CCDC197: variants seen among roughly 807,000 people sequenced by gnomAD.
CCDC197 encodes the protein uncharacterized protein CCDC197.
CCDC197 carries 24 observed loss-of-function variants against 13.4 expected under a neutral mutation model. That is an observed-to-expected ratio of 1.80 (90% CI 1.30 to 2.53). The LOEUF (loss-of-function observed/expected upper bound fraction) is 2.53, where lower values mean the gene tolerates loss of function less well. Among genes scored for constraint, CCDC197 ranks in the 30% most tolerant of loss-of-function variants. The pLI, the probability that CCDC197 is intolerant of heterozygous loss-of-function variation, is 0.00. For missense variants in CCDC197, 255 were observed against 148.8 expected (o/e 1.71, Z -3.71); for synonymous variants, 99 against 55.5 (o/e 1.78, Z -3.48).
At chr14:93,993,897 C>T (rs1006697687), upstream of CCDC197, among the ~76,000 whole-genome samples, 2 of 152,200 alleles carry the variant, frequency 1.3e-5, no homozygotes, top group African/African-American at 4.8e-5. Flanking sequence ...CTGCGCCCCT[C>T]ACCGCTGTGG....
Position 94,004,861 on chromosome 14 carries a change from C to A in CCDC197, c.505C>A (p.Leu169Met). 1.4e-6 allele frequency: 1 copy of A among 702,956 alleles called. No individual in the cohort carries two copies. The highest frequency in any genetic ancestry group is 1.5e-5 in the South Asian group (1 of 67,572). 43.5% of individuals were successfully genotyped at this position (702,956 alleles called of 1,614,324 possible). A position where few individuals can be genotyped will look rare whatever the true frequency, so the allele number is the denominator to read the frequency against. ...CTCCTTCTCTTTCCTGCAGGATCAG[C>A]TGCTCGGCTACATGCAAATGACCAT... ...THTSSSYNDQ[L>M]LGYMQMTITN... The change falls in exon 6 of 7, where the codon CTG (leucine) becomes ATG (methionine). Residue 169 changes from leucine (L) to methionine (M), a missense_variant. By Grantham distance (15) the Leu-to-Met change is conservative (BLOSUM62 2). Transcript: ENST00000636493.
At chr14:94,001,485 C>T in intron 4 of CCDC197, 162 bp downstream of exon 4, 1 of 548,520 alleles carries the variant, frequency 1.8e-6, no homozygotes, top group South Asian at 2.4e-5. Context: ...TTCCATATCC[C>T]CTTCCTCTCC....
At chr14:93,997,046 C>T (rs994105037), upstream of CCDC197, among the ~76,000 whole-genome samples, 2 of 152,212 alleles carry the variant, frequency 1.3e-5, no homozygotes, top group African/African-American at 4.8e-5. Flanking sequence ...TGGAACTGGG[C>T]AGCACATAAA....
At chr14:93,989,475 G>T (rs1890168933) in intron 1 of CCDC197, among the ~76,000 whole-genome samples, 1 of 152,156 alleles carries the variant, frequency 6.6e-6, no homozygotes, top group South Asian at 2.1e-4. Flanking sequence ...GCCATCAGTG[G>T]CCCTGGCATG....
intron 2 of CCDC197, among the ~76,000 whole-genome samples, chr14:93,998,762 G>A (rs963239194): frequency 7.2e-5 from 11 of 152,232 alleles, no homozygotes; most frequent in African/African-American, 2.7e-4. Context: ...GCACTGTCAC[G>A]GCTCACAGGG....
At chr14:93,993,569 A>G (rs1420191550), upstream of CCDC197, among the ~76,000 whole-genome samples, 1 of 152,204 alleles carries the variant, frequency 6.6e-6, no homozygotes, top group Non-Finnish European at 1.5e-5. Flanking sequence ...CTGAGCGTCA[A>G]TGGCTGAGGA....
At chr14:94,008,569 C>A (rs1262841380) in intron 6 of CCDC197, 40 bp from the exon 7 acceptor site, 1 of 692,108 alleles carries the variant, frequency 1.4e-6, no homozygotes, top group South Asian at 1.5e-5. Flanking sequence ...CGTCCAGAGG[C>A]CAAAACACTG....
rs192272134 is a variant in CCDC197 at position 93,999,662 on chromosome 14, G to T, written c.184G>T (p.Glu62Ter). ...YLIKVLEKIP[E>*]GCTGWEEPEE... ...GATTAAGGTCCTTGAGAAAATCCCC[G>T]AGGGTATGTACACAGCTTCCTCGGA... The change falls in exon 3 of 7, where the codon GAG becomes TAG. Residue 62 changes from glutamate (E) to a stop codon, truncating the protein, a stop_gained. Coordinates refer to ENST00000636493, the MANE Select transcript of CCDC197 (RefSeq NM_001351596.2). LOFTEE classifies it high-confidence loss of function. The T allele has an allele frequency of 2.6e-6, 2 of 780,906 alleles. No individual in the cohort carries two copies. Among genetic ancestry groups the T allele is most frequent in the African/African-American group, 1.7e-5 (1 of 59,144 alleles). The allele number at this position is 780,906 out of a possible 1,614,324, so 48.4% of individuals were successfully genotyped here.
intron 4 of CCDC197, chr14:94,001,688 G>A: frequency 5.5e-6 from 1 of 182,086 alleles, no homozygotes. Flanking sequence ...AGTTGCTAGC[G>A]TCCTTGCGAG....
At chr14:93,993,698 C>A (rs1047334039), upstream of CCDC197, among the ~76,000 whole-genome samples, 1 of 152,190 alleles carries the variant, frequency 6.6e-6, no homozygotes, top group African/African-American at 2.4e-5. Context: ...AGCCTGGGGG[C>A]AGATTCCAGC....
chr14:93,998,775 C>A (rs1166380894), intron 2 of CCDC197, among the ~76,000 whole-genome samples: 3 of 152,248 alleles, frequency 2.0e-5, no homozygotes, highest in Non-Finnish European at 4.4e-5. Flanking sequence ...TCACAGGGCC[C>A]CACGTGGTAT....
At chr14:94,009,956 T>G (rs1890781434), downstream of CCDC197, among the ~76,000 whole-genome samples, 1 of 152,220 alleles carries the variant, frequency 6.6e-6, no homozygotes, top group Non-Finnish European at 1.5e-5. Flanking sequence ...TAAGAGCAGC[T>G]GCTGAGCTGT....
chr14:93,995,129 C>T (rs926303619), upstream of CCDC197, among the ~76,000 whole-genome samples: 1 of 152,168 alleles, frequency 6.6e-6, no homozygotes, highest in South Asian at 2.1e-4. Context: ...CCCGCTGCCA[C>T]GCTGCCAGCC....
intron 4 of CCDC197, among the ~76,000 whole-genome samples, chr14:94,002,498 G>C (rs907206138): frequency 6.6e-6 from 1 of 151,986 alleles, no homozygotes; most frequent in Admixed American, 6.6e-5. Context: ...CCTGGCCAGG[G>C]GCATGTATTA....
At chr14:93,996,408 C>G (rs1176913628), upstream of CCDC197, among the ~76,000 whole-genome samples, 2 of 152,146 alleles carry the variant, frequency 1.3e-5, no homozygotes, top group East Asian at 3.9e-4. Flanking sequence ...CTGCCCCTGC[C>G]CCTGAGCCCA....
intron 1 of CCDC197, among the ~76,000 whole-genome samples, chr14:93,987,552 T>C (rs1051719218): frequency 6.6e-6 from 1 of 152,312 alleles, no homozygotes; most frequent in East Asian, 1.9e-4. Flanking sequence ...GGGCTTGGAA[T>C]GCCCTCTCCC....
intron 1 of CCDC197, among the ~76,000 whole-genome samples, chr14:93,987,724 G>A (rs1408350074): frequency 1.3e-5 from 2 of 152,154 alleles, no homozygotes; most frequent in African/African-American, 4.8e-5. Context: ...CTAACGGGCG[G>A]GAGTGAGGCT....
chr14:94,001,949 G>A (rs1890527108), intron 4 of CCDC197, among the ~76,000 whole-genome samples: 2 of 152,182 alleles, frequency 1.3e-5, no homozygotes, highest in East Asian at 1.9e-4. Flanking sequence ...GTTTTGGAGA[G>A]AGCATCTGCC....
chr14:93,999,905 A>C (rs1890441370), intron 3 of CCDC197, among the ~76,000 whole-genome samples: 1 of 152,120 alleles, frequency 6.6e-6, no homozygotes, highest in Non-Finnish European at 1.5e-5. Context: ...CAAGGCCTTG[A>C]TTTTCTTATC....
Sources: allele counts gnomAD v4.1 joint callset (sites outside exome capture counted in the v4.1 genomes callset), GRCh38; gene constraint gnomAD v4.1.1; transcripts MANE v1.5; gene names NCBI Gene and HGNC (gene_info 2026-07-23, HGNC 2026-07-21).